TRIM51G: variants seen among roughly 807,000 people sequenced by gnomAD.
TRIM51G encodes tripartite motif-containing protein 51G.
At chr11:48,979,596 A>G in the TRIM51G span, among the ~76,000 whole-genome samples, 1 of 152,122 alleles carries the variant, frequency 6.6e-6, no homozygotes, top group African/African-American at 2.4e-5. Context: ...GGCTACATGG[A>G]CATCTTTGTG....
chr11:48,980,085 C>T, the TRIM51G span, among the ~76,000 whole-genome samples: 20 of 151,986 alleles, frequency 1.3e-4, no homozygotes, highest in Middle Eastern at 3.4e-3. Context: ...CATATCTGCA[C>T]GGTGGCCATT....
chr11:48,979,105 G>A, the TRIM51G span: 2 of 786,428 alleles, frequency 2.5e-6, no homozygotes, highest in Non-Finnish European at 4.6e-6. Flanking sequence ...ACATAATCCT[G>A]CAGTGACAAT....
chr11:48,978,154 C>A, the TRIM51G span: 1 of 529,880 alleles, frequency 1.9e-6, no homozygotes, highest in South Asian at 1.4e-5. Context: ...AATATGTCTC[C>A]AAAAGACTGT....
the TRIM51G span, among the ~76,000 whole-genome samples, chr11:48,977,895 CTTTTTTAT>C: frequency 2.0e-5 from 2 of 99,986 alleles, no homozygotes; most frequent in Non-Finnish European, 4.1e-5. Flanking sequence ...TGTTCTCTTT[CTTTTTTAT>C]TTATTTATTT....
chr11:48,980,771 G>A, the TRIM51G span: 1,002 of 371,936 alleles, frequency 2.7e-3, 8 homozygotes, highest in African/African-American at 0.015. Context: ...AAATTAGGGT[G>A]TTTTTTTCTC....
At chr11:48,981,366 C>G in the TRIM51G span, 1 of 1,607,586 alleles carries the variant, frequency 6.2e-7, no homozygotes, top group Non-Finnish European at 8.5e-7. Flanking sequence ...GCAAACAGAG[C>G]AGGCTCTTGT....
chr11:48,979,674 T>G, the TRIM51G span, among the ~76,000 whole-genome samples: 1 of 151,974 alleles, frequency 6.6e-6, no homozygotes, highest in Admixed American at 6.6e-5. Context: ...TAACTAGAAT[T>G]ATTTTCATGT....
At chr11:48,980,324 A>G in the TRIM51G span, among the ~76,000 whole-genome samples, 1 of 152,116 alleles carries the variant, frequency 6.6e-6, no homozygotes. Flanking sequence ...TATATAAAAT[A>G]CTAGTTCCCA....
chr11:48,981,799 C>G, the TRIM51G span: 1 of 1,214,328 alleles, frequency 8.2e-7, no homozygotes, highest in African/African-American at 1.5e-5. Context: ...CTTGACAGTG[C>G]TCATTAAAGC....
the TRIM51G span, among the ~76,000 whole-genome samples, chr11:48,977,355 G>A: frequency 3.0e-4 from 46 of 152,016 alleles, no homozygotes; most frequent in Admixed American, 2.2e-3. Context: ...TCATTTTCAA[G>A]CACGATGGAA....
chr11:48,979,282 T>A, the TRIM51G span, among the ~76,000 whole-genome samples: 1 of 152,196 alleles, frequency 6.6e-6, no homozygotes, highest in Non-Finnish European at 1.5e-5. Context: ...TTCTGCCCAG[T>A]TATATTTACT....
the TRIM51G span, chr11:48,976,019 A>T: frequency 5.7e-6 from 3 of 530,136 alleles, no homozygotes; most frequent in Admixed American, 7.2e-5. Flanking sequence ...ATTTTAAAAA[A>T]GTATAGATAC....
At chr11:48,977,281 C>T in the TRIM51G span, 4 of 619,112 alleles carry the variant, frequency 6.5e-6, no homozygotes, top group South Asian at 1.6e-5. Flanking sequence ...TCCCTTTAAC[C>T]CACACATTTG....
At chr11:48,981,623 G>A in the TRIM51G span, 1 of 1,599,500 alleles carries the variant, frequency 6.3e-7, no homozygotes, top group African/African-American at 1.3e-5. Flanking sequence ...ATGGTGACTG[G>A]GTCTATGAAG....
At chr11:48,975,865 C>A in the TRIM51G span, 3 of 955,750 alleles carry the variant, frequency 3.1e-6, no homozygotes, top group South Asian at 3.9e-5. Context: ...ATCAGCCCCC[C>A]ATTGAAGAAA....
chr11:48,979,362 T>G, the TRIM51G span, among the ~76,000 whole-genome samples: 1 of 152,214 alleles, frequency 6.6e-6, no homozygotes, highest in Non-Finnish European at 1.5e-5. Flanking sequence ...ACCACATTTA[T>G]AGAAAGAAAA....
At chr11:48,980,560 C>T in the TRIM51G span, among the ~76,000 whole-genome samples, 2 of 152,106 alleles carry the variant, frequency 1.3e-5, no homozygotes, top group Non-Finnish European at 2.9e-5. Flanking sequence ...AGAAGAGTCA[C>T]CTGAAATTTC....
the TRIM51G span, among the ~76,000 whole-genome samples, chr11:48,979,802 C>CATATATATTCCTCATATATATCCAT: frequency 8.1e-5 from 12 of 147,572 alleles, no homozygotes; most frequent in Non-Finnish European, 1.6e-4. Flanking sequence ...CATATATATC[C>CATATATATTCCTCATATATATCCAT]ATATATATAT....
chr11:48,982,166 TA>T, the TRIM51G span, among the ~76,000 whole-genome samples: 6 of 151,926 alleles, frequency 3.9e-5, no homozygotes, highest in Non-Finnish European at 7.4e-5. Context: ...GCCGGCTCTT[TA>T]AAACAAAAAC....
Sources: allele counts gnomAD v4.1 joint callset (sites outside exome capture counted in the v4.1 genomes callset), GRCh38; gene constraint gnomAD v4.1.1; transcripts MANE v1.5; gene names NCBI Gene and HGNC (gene_info 2026-07-23, HGNC 2026-07-21).